The following CLDN16 variants were observed in gnomAD, a reference collection of about 807,000 sequenced individuals.
CLDN16 encodes claudin 16, also known as claudin-16.
In CLDN16, 13 loss-of-function variants were observed where a neutral mutation model predicts 24.6. The ratio of observed to expected loss-of-function variants is 0.53; its 90% CI spans 0.34 to 0.84. CLDN16 has a LOEUF of 0.84. Ranked by LOEUF, CLDN16 falls within the 40% of genes least tolerant of loss-of-function variation. CLDN16 has a pLI of 0.01. For synonymous variants in CLDN16, 116 were observed against 106.7 expected (o/e 1.09, Z -0.54); for missense variants, 298 against 292.7 (o/e 1.02, Z -0.13).
chr3:190,296,520 G>T, the CLDN16 span, among the ~76,000 whole-genome samples: 1 of 151,768 alleles, frequency 6.6e-6, no homozygotes, highest in Non-Finnish European at 1.5e-5. Flanking sequence ...AACGTATGAG[G>T]ATGGGAAAGT....
chr3:190,337,042 A>G (rs1394529483), intron 1 of CLDN16, among the ~76,000 whole-genome samples: 21 of 152,234 alleles, frequency 1.4e-4, no homozygotes, highest in Admixed American at 1.4e-3. Context: ...AGCAGCTAAT[A>G]GAGGAAGAAA....
At position 190,410,006 on chromosome 3, in the gene CLDN16, CA is replaced by C. The variant is rs755344639; in HGVS notation, c.682del (p.Met228CysfsTer4). On this transcript the variant is annotated frameshift_variant, in exon 5 of 5. Coordinates refer to ENST00000264734, the MANE Select transcript of CLDN16 (RefSeq NM_006580.4). LOFTEE classifies it high-confidence loss of function. The part of the protein sequence containing the change: ...SYSAPRTETA[K>X]MYAVDTRV ...ACTCAGCCCCTCGCACAGAGACGGC[CA>C]AAATGTATGCTGTAGACACAAGGGT... is the stretch of plus-strand genomic sequence containing the variant. The C allele has an allele frequency of 2.5e-6, 4 of 1,614,020 alleles. No homozygotes were observed. The highest frequency in any genetic ancestry group is 2.5e-6 in the Non-Finnish European group (3 of 1,180,000).
At chr3:190,362,312 A>C (rs965883339) in intron 1 of CLDN16, among the ~76,000 whole-genome samples, 1 of 151,892 alleles carries the variant, frequency 6.6e-6, no homozygotes, top group Non-Finnish European at 1.5e-5. Context: ...TCCATCGAAC[A>C]GCTGACACCA....
the CLDN16 span, among the ~76,000 whole-genome samples, chr3:190,294,533 A>G: frequency 7.9e-5 from 12 of 152,276 alleles, no homozygotes; most frequent in Non-Finnish European, 1.2e-4. Flanking sequence ...GAGAGTTTTA[A>G]AAGCCAGTAA....
intron 2 of CLDN16, among the ~76,000 whole-genome samples, chr3:190,371,871 CT>C (rs1250967901): frequency 4.6e-5 from 7 of 152,064 alleles, no homozygotes. Context: ...ACCAGATTCC[CT>C]GACACTGAAG....
chr3:190,327,767 T>G (rs188381050), intron 1 of CLDN16, among the ~76,000 whole-genome samples: 2 of 152,290 alleles, frequency 1.3e-5, no homozygotes, highest in East Asian at 3.9e-4. Context: ...CAGAGTCATA[T>G]CAGAGTGAAT....
the CLDN16 span, among the ~76,000 whole-genome samples, chr3:190,299,664 C>T: frequency 2.0e-5 from 3 of 152,116 alleles, no homozygotes; most frequent in Non-Finnish European, 4.4e-5. Flanking sequence ...TGCCCCACAG[C>T]ATGTATTGAA....
chr3:190,308,520 T>C, the CLDN16 span: 2 of 1,299,008 alleles, frequency 1.5e-6, no homozygotes, highest in African/African-American at 1.5e-5. Flanking sequence ...AAAAAATCAA[T>C]ACTCATTGTA....
the CLDN16 span, among the ~76,000 whole-genome samples, chr3:190,302,819 T>C: frequency 6.7e-6 from 1 of 150,372 alleles, no homozygotes; most frequent in African/African-American, 2.4e-5. Context: ...AATCAATCTA[T>C]GTTTAGAAAG....
chr3:190,369,505 AT>A (rs763854895), intron 1 of CLDN16, among the ~76,000 whole-genome samples: 7 of 151,970 alleles, frequency 4.6e-5, no homozygotes, highest in Non-Finnish European at 7.4e-5. Context: ...GAAAATCTAG[AT>A]AAGCAAACCA....
chr3:190,334,672 TG>T (rs1717258568), intron 1 of CLDN16, among the ~76,000 whole-genome samples: 2 of 152,258 alleles, frequency 1.3e-5, no homozygotes, highest in African/African-American at 4.8e-5. Context: ...TAGATGTTGT[TG>T]GTAACCACCA....
chr3:190,292,556 C>T, the CLDN16 span, among the ~76,000 whole-genome samples: 1 of 152,222 alleles, frequency 6.6e-6, no homozygotes, highest in African/African-American at 2.4e-5. Context: ...ATTACTTATG[C>T]AAATTTCTGC....
chr3:190,297,029 T>C, the CLDN16 span, among the ~76,000 whole-genome samples: 1 of 152,022 alleles, frequency 6.6e-6, no homozygotes, highest in Non-Finnish European at 1.5e-5. Flanking sequence ...ACAGACTGTC[T>C]TACTCATCTC....
intron 1 of CLDN16, among the ~76,000 whole-genome samples, chr3:190,329,476 A>T (rs901791487): frequency 5.3e-5 from 8 of 152,152 alleles, no homozygotes; most frequent in Non-Finnish European, 8.8e-5. Flanking sequence ...GAGAAGCTCA[A>T]CCTTTTGAAT....
In CLDN16 at chr3:190,369,422, C is replaced by T. The variant is rs985635290; in HGVS notation, n.122-1471C>T. On this transcript the variant is annotated intron_variant and non_coding_transcript_variant, in intron 1 of 4. Coordinates refer to the CLDN16 transcript ENST00000468220. ...TTTAGAGAAGCTGCTCATAAGAGAA[C>T]ATGCAGTGAGAAATTGCTATAATTT... 2.9e-4 allele frequency among the ~76,000 whole-genome samples: 44 copies of T among 152,034 alleles called. 1 individual carries two copies. Among genetic ancestry groups the T allele is most frequent in the African/African-American group, 1.1e-3 (44 of 41,534 alleles).
intron 1 of CLDN16, among the ~76,000 whole-genome samples, chr3:190,395,736 A>C (rs1034779810): frequency 1.3e-5 from 2 of 152,038 alleles, no homozygotes; most frequent in African/African-American, 2.4e-5. Flanking sequence ...TTTTTAAAAT[A>C]ATATATCTTA....
chr3:190,349,353 C>G (rs1717623410), intron 1 of CLDN16, among the ~76,000 whole-genome samples: 1 of 152,164 alleles, frequency 6.6e-6, no homozygotes, highest in South Asian at 2.1e-4. Flanking sequence ...TGCTTGCTTC[C>G]CCTTGGCCCT....
chr3:190,354,512 G>A (rs973592753), intron 1 of CLDN16, among the ~76,000 whole-genome samples: 6 of 151,900 alleles, frequency 3.9e-5, no homozygotes, highest in African/African-American at 7.3e-5. Flanking sequence ...TCTCTTGATG[G>A]CAAGACTGGT....
chr3:190,298,434 A>G, the CLDN16 span, among the ~76,000 whole-genome samples: 5 of 147,480 alleles, frequency 3.4e-5, no homozygotes, highest in Non-Finnish European at 5.9e-5. Context: ...ATTACGTGCA[A>G]TGTGTCCTTC....
Sources: gnomAD v4.1 joint callset for allele counts (sites outside exome capture counted in the v4.1 genomes callset) on GRCh38, gnomAD v4.1.1 for gene constraint, MANE v1.5 for transcripts, NCBI Gene and HGNC (gene_info 2026-07-23, HGNC 2026-07-21) for gene names.